MSRA: variants seen among roughly 807,000 people sequenced by gnomAD.
The protein encoded by MSRA is methionine sulfoxide reductase A, also known as mitochondrial peptide methionine sulfoxide reductase.
In MSRA, 54 loss-of-function variants were observed where a neutral mutation model predicts 31.3. The ratio of observed to expected loss-of-function variants is 1.73; its 90% CI spans 1.39 to 2.17. The LOEUF (loss-of-function observed/expected upper bound fraction) is 2.17, where lower values mean the gene tolerates loss of function less well. Ranked by LOEUF, MSRA falls within the 30% of genes most tolerant of loss-of-function variation. MSRA has a pLI of 0.00. For missense variants in MSRA, 507 were observed against 300.9 expected, an observed-to-expected ratio of 1.69 and a Z score of -5.07; for synonymous variants, 169 against 116.5, an observed-to-expected ratio of 1.45 and a Z score of -2.90.
Position 10,102,249 on chromosome 8 carries a change from C to G in MSRA, c.142+47591C>G, listed in dbSNP as rs184745967. 2.0e-4 allele frequency among the ~76,000 whole-genome samples: 30 copies of G among 152,284 alleles called. No homozygotes were observed. The East Asian group carries it at 4.8e-3, about 24-fold the overall frequency. ...CCAGGTGTGCCCTCTTTCTCCTTTC[C>G]TTCCAAGACTTGGAGGATGTGAATA... On this transcript the variant is annotated intron_variant, in intron 1 of 5. Transcript: ENST00000317173.
chr8:10,250,781 C>G (rs1797875419), intron 3 of MSRA: 3 of 321,752 alleles, frequency 9.3e-6, no homozygotes, highest in African/African-American at 2.1e-5. Context: ...CCCGTTTCCT[C>G]TCTTGTAAAA....
intron 4 of MSRA, among the ~76,000 whole-genome samples, chr8:10,315,147 A>G (rs1349368609): frequency 6.6e-6 from 1 of 152,198 alleles, no homozygotes; most frequent in Non-Finnish European, 1.5e-5. Flanking sequence ...AGCATGGGAA[A>G]GACCTGCCCC....
rs1006217416 is a variant in MSRA at position 10,234,271 on chromosome 8, C to T, written c.212-10833C>T. ...GAAGCAATTTTAAAAAAATAACCCT[C>T]TGTGTGTGTGTTAGAAGAAAATAAA... On this transcript the variant is annotated intron_variant, in intron 2 of 5. Transcript: ENST00000317173. Among the ~76,000 whole-genome samples the T allele has an allele frequency of 2.0e-5, 3 of 152,070 alleles. No homozygotes were observed. In the East Asian group the frequency reaches 5.8e-4, roughly 29 times the overall value.
chr8:10,395,402 G>A (rs1807034038), intron 5 of MSRA, among the ~76,000 whole-genome samples: 1 of 152,146 alleles, frequency 6.6e-6, no homozygotes, highest in South Asian at 2.1e-4. Context: ...AAGAGAGTAG[G>A]GAGTGGAGGT....
chr8:10,165,292 C>G (rs1353690678), intron 1 of MSRA, among the ~76,000 whole-genome samples: 3 of 152,160 alleles, frequency 2.0e-5, no homozygotes, highest in Admixed American at 6.5e-5. Context: ...AACCACTCTG[C>G]TCTCCAACAA....
chr8:10,134,143 T>C (rs944479231), intron 1 of MSRA, among the ~76,000 whole-genome samples: 1 of 152,188 alleles, frequency 6.6e-6, no homozygotes, highest in Non-Finnish European at 1.5e-5. Flanking sequence ...GGATCCTATC[T>C]TAAAGGAATT....
At chr8:10,187,178 G>A (rs954930480) in intron 1 of MSRA, among the ~76,000 whole-genome samples, 2 of 152,126 alleles carry the variant, frequency 1.3e-5, no homozygotes, top group Non-Finnish European at 2.9e-5. Context: ...ACGACCAGCC[G>A]CTGATTGAGC....
intron 1 of MSRA, among the ~76,000 whole-genome samples, chr8:10,064,697 T>C (rs1797370662): frequency 6.6e-6 from 1 of 152,234 alleles, no homozygotes; most frequent in African/African-American, 2.4e-5. Flanking sequence ...AAAGTTTTCG[T>C]ATTTTACCTT....
At chr8:10,384,487 G>A (rs767000928) in intron 5 of MSRA, among the ~76,000 whole-genome samples, 2 of 152,182 alleles carry the variant, frequency 1.3e-5, no homozygotes, top group East Asian at 1.9e-4. Context: ...GAACGAGGAC[G>A]ATGTCCAGGT....
chr8:10,139,623 G>A lies in MSRA; in HGVS notation c.143-68210G>A, dbSNP rs527832577. Among the ~76,000 whole-genome samples, 33 of 152,306 alleles carry A rather than the reference G, an allele frequency of 2.2e-4. No individual in the cohort carries two copies. The South Asian group carries it at 6.4e-3, about 30-fold the overall frequency. ...TTACATGTGAGAACATACAGTCTTT[G>A]ACTTTGTTTCTGAGTTATTTCACTT... is the stretch of plus-strand genomic sequence containing the variant. On this transcript the variant is annotated intron_variant, in intron 1 of 5. Transcript: ENST00000317173.
intron 5 of MSRA, among the ~76,000 whole-genome samples, chr8:10,371,969 T>G (rs1312089107): frequency 6.6e-6 from 1 of 152,068 alleles, no homozygotes; most frequent in Non-Finnish European, 1.5e-5. Flanking sequence ...AGAAGTCTTA[T>G]CATCCTACAC....
rs117607558 is a variant in MSRA, at chr8:10,402,143, G to A, written c.544-26005G>A. 5.6e-4 allele frequency among the ~76,000 whole-genome samples: 85 copies of A among 152,262 alleles called. No individual in the cohort carries two copies. In the East Asian group the frequency reaches 0.012, roughly 22 times the overall value. On this transcript the variant is annotated intron_variant, in intron 5 of 5. Transcript: ENST00000317173. ...TCCCTTAGCTCTCCTAGTGCATTTC[G>A]ATCGTGAACATTGCTGAGGGTTCCT...
intron 1 of MSRA, among the ~76,000 whole-genome samples, chr8:10,119,622 A>T (rs1208755883): frequency 6.6e-6 from 1 of 152,246 alleles, no homozygotes; most frequent in African/African-American, 2.4e-5. Flanking sequence ...AAATGCTGTG[A>T]CAAAAGACAC....
At chr8:10,195,792 T>C (rs1364929643) in intron 1 of MSRA, among the ~76,000 whole-genome samples, 1 of 152,254 alleles carries the variant, frequency 6.6e-6, no homozygotes, top group East Asian at 1.9e-4. Context: ...GTAAAGTTTA[T>C]AATGACACAG....
intron 2 of MSRA, 28 bp downstream of exon 2, chr8:10,207,929 C>G (rs747229017): frequency 5.0e-6 from 8 of 1,585,576 alleles, no homozygotes; most frequent in Non-Finnish European, 5.2e-6. Flanking sequence ...AAAGAAAACC[C>G]AAATTGTGTG....
At chr8:10,223,099 A>C (rs950514986) in intron 2 of MSRA, among the ~76,000 whole-genome samples, 1 of 152,242 alleles carries the variant, frequency 6.6e-6, no homozygotes, top group African/African-American at 2.4e-5. Context: ...TTAAAAAGTA[A>C]ATTTATAAAA....
intron 1 of MSRA, among the ~76,000 whole-genome samples, chr8:10,205,094 C>A (rs905658534): frequency 6.6e-6 from 1 of 152,068 alleles, no homozygotes; most frequent in Non-Finnish European, 1.5e-5. Flanking sequence ...TGACTGTGGC[C>A]TGAGAGTCAT....
intron 1 of MSRA, among the ~76,000 whole-genome samples, chr8:10,195,911 C>G (rs566855828): frequency 6.6e-6 from 1 of 152,346 alleles, no homozygotes; most frequent in African/African-American, 2.4e-5. Context: ...TACCCTGCAG[C>G]AGGCCTGCTT....
At chr8:10,416,786 A>G (rs1808487373) in intron 5 of MSRA, among the ~76,000 whole-genome samples, 1 of 152,242 alleles carries the variant, frequency 6.6e-6, no homozygotes, top group Non-Finnish European at 1.5e-5. Context: ...CAAACTTTGC[A>G]GGCTGTCTGA....
Sources: allele counts gnomAD v4.1 joint callset (sites outside exome capture counted in the v4.1 genomes callset), GRCh38; gene constraint gnomAD v4.1.1; transcripts MANE v1.5; gene names NCBI Gene and HGNC (gene_info 2026-07-23, HGNC 2026-07-21).